CDH18: variants seen among roughly 807,000 people sequenced by gnomAD.
CDH18 encodes cadherin-18.
CDH18 carries 31 observed loss-of-function variants against 67.9 expected under a neutral mutation model. That is an observed-to-expected ratio of 0.46 (90% CI 0.34 to 0.62). CDH18 has a LOEUF of 0.62. CDH18 is among the 20% of genes least tolerant of loss of function. The pLI is 0.01. For missense variants in CDH18, 890 were observed against 975.5 expected, an observed-to-expected ratio of 0.91 and a Z score of 1.17; for synonymous variants, 362 against 347.2, an observed-to-expected ratio of 1.04 and a Z score of -0.48.
intron 2 of CDH18, among the ~76,000 whole-genome samples, chr5:19,978,278 T>C (rs1389087300): frequency 6.6e-6 from 1 of 152,140 alleles, no homozygotes; most frequent in Non-Finnish European, 1.5e-5. Context: ...ACATTTACCT[T>C]CTTTTTGAGG....
At chr5:19,516,285 A>T (rs1209797282) in intron 10 of CDH18, among the ~76,000 whole-genome samples, 1 of 152,154 alleles carries the variant, frequency 6.6e-6, no homozygotes, top group Admixed American at 6.6e-5. Context: ...ATTGATATTC[A>T]TCAGGGATAT....
chr5:19,951,557 CAG>C (rs1234364059), intron 2 of CDH18, among the ~76,000 whole-genome samples: 3 of 152,112 alleles, frequency 2.0e-5, no homozygotes, highest in African/African-American at 7.2e-5. Flanking sequence ...GAAACCTAAA[CAG>C]AGTCAAGTAG....
In CDH18 at chr5:19,994,847, T is replaced by TAGAG. The variant is rs1270960698; in HGVS notation, c.-517-2834_-517-2833insCTCT. Among the ~76,000 whole-genome samples, 118 of 32,168 alleles carry TAGAG rather than the reference T, an allele frequency of 3.7e-3. 7 individuals are homozygous for TAGAG. The highest frequency in any genetic ancestry group is 0.014 in the African/African-American group (97 of 6,702). The allele number at this position is 32,168 out of a possible 152,430, so 21.1% of individuals were successfully genotyped here. A position where few individuals can be genotyped will look rare whatever the true frequency, so the allele number is the denominator to read the frequency against. ...TAAAGAGAATATATATATATATATATATATATATAGAGAGAGAGAGAGAGA... is the reference window on the plus strand; with the variant it reads ...TAAAGAGAATATATATATATATATATAGAGATATATATAGAGAGAGAGAGAGAGA... On this transcript the variant is annotated intron_variant, in intron 2 of 14. Transcript: ENST00000507958.
chr5:20,281,421 C>T (rs1174199897), intron 1 of CDH18, among the ~76,000 whole-genome samples: 1 of 152,136 alleles, frequency 6.6e-6, no homozygotes, highest in Non-Finnish European at 1.5e-5. Context: ...CAGCTTTCTA[C>T]ATATGGCTAG....
chr5:19,829,684 TCATTC>T (rs1780807543), intron 3 of CDH18, among the ~76,000 whole-genome samples: 1 of 152,222 alleles, frequency 6.6e-6, no homozygotes, highest in East Asian at 1.9e-4. Flanking sequence ...ACTGTCAATT[TCATTC>T]TTCACAGAAT....
At chr5:19,583,729 C>T (rs1221073293) in intron 7 of CDH18, among the ~76,000 whole-genome samples, 1 of 152,052 alleles carries the variant, frequency 6.6e-6, no homozygotes, top group African/African-American at 2.4e-5. Context: ...ATTTTCACCT[C>T]GTTTCATGTT....
At chr5:20,418,697 C>T (rs1747558972) in intron 1 of CDH18, among the ~76,000 whole-genome samples, 2 of 151,850 alleles carry the variant, frequency 1.3e-5, no homozygotes, top group African/African-American at 2.4e-5. Flanking sequence ...TGTAAGACAA[C>T]TTAAGTTTAA....
At chr5:20,123,328 G>T (rs1165233349) in intron 2 of CDH18, among the ~76,000 whole-genome samples, 1 of 152,100 alleles carries the variant, frequency 6.6e-6, no homozygotes, top group Non-Finnish European at 1.5e-5. Context: ...ACGCACCCCA[G>T]GAGAACGCTG....
intron 1 of CDH18, among the ~76,000 whole-genome samples, chr5:20,486,991 T>C (rs970244308): frequency 6.6e-6 from 1 of 152,140 alleles, no homozygotes; most frequent in Non-Finnish European, 1.5e-5. Flanking sequence ...AGGGATAGGT[T>C]ACAGCTGACA....
intron 3 of CDH18, among the ~76,000 whole-genome samples, chr5:19,827,118 C>T (rs755567688): frequency 6.6e-5 from 10 of 151,704 alleles, no homozygotes; most frequent in Non-Finnish European, 1.2e-4. Flanking sequence ...AACCAATGAA[C>T]AAAAAAGGCA....
At chr5:20,317,786 G>A (rs75487794) in intron 1 of CDH18, among the ~76,000 whole-genome samples, 10,370 of 152,080 alleles carry the variant, frequency 0.068, 482 homozygotes, top group South Asian at 0.18. Flanking sequence ...GTTGATAAGC[G>A]TTATAGTTAC....
rs576989366 is a variant in CDH18 at position 19,871,482 on chromosome 5, C to T, written c.-256-32240G>A. Among the ~76,000 whole-genome samples, 7 of 152,228 alleles carry T rather than the reference C, an allele frequency of 4.6e-5. No individual in the cohort carries two copies. In the East Asian group the frequency reaches 9.6e-4, roughly 21 times the overall value. ...CAAAGCGAAATGAAATAGCACATAGCGTTTGAATGCAGACTCCAGAGAAAA... is the reference window on the plus strand; with the variant it reads ...CAAAGCGAAATGAAATAGCACATAGTGTTTGAATGCAGACTCCAGAGAAAA... On this transcript the variant is annotated intron_variant, in intron 2 of 12. Coordinates refer to ENST00000382275, the MANE Select transcript of CDH18 (RefSeq NM_004934.5).
intron 1 of CDH18, among the ~76,000 whole-genome samples, chr5:20,367,957 C>G (rs552517180): frequency 6.6e-6 from 1 of 152,144 alleles, no homozygotes; most frequent in Non-Finnish European, 1.5e-5. Flanking sequence ...CTGCCTTACT[C>G]TCAGAGATTC....
At chr5:19,537,445 G>GT (rs1749598774) in intron 9 of CDH18, among the ~76,000 whole-genome samples, 1 of 151,628 alleles carries the variant, frequency 6.6e-6, no homozygotes, top group South Asian at 2.1e-4. Context: ...GTAAGTGTGT[G>GT]TATGTGCACA....
intron 1 of CDH18, among the ~76,000 whole-genome samples, chr5:20,502,187 A>T (rs1458811349): frequency 6.6e-6 from 1 of 152,166 alleles, no homozygotes; most frequent in Non-Finnish European, 1.5e-5. Flanking sequence ...TCTATTTCAC[A>T]TAATTCTTTT....
intron 2 of CDH18, among the ~76,000 whole-genome samples, chr5:19,954,833 T>C (rs1485928734): frequency 2.7e-5 from 4 of 149,558 alleles, no homozygotes; most frequent in Non-Finnish European, 4.4e-5. Flanking sequence ...GCACCTGTTA[T>C]GAAAAATAAC....
chr5:19,939,088 G>A (rs1794573739), intron 2 of CDH18, among the ~76,000 whole-genome samples: 1 of 150,944 alleles, frequency 6.6e-6, no homozygotes, highest in East Asian at 2.0e-4. Context: ...AATATTTAGA[G>A]GATAGAACTA....
At position 20,177,572 on chromosome 5, in the gene CDH18, C is replaced by T. The variant is rs148150475; in HGVS notation, c.-518+77872G>A. 3.6e-4 allele frequency among the ~76,000 whole-genome samples: 54 copies of T among 152,082 alleles called. No individual in the cohort carries two copies. In the East Asian group the frequency reaches 4.1e-3, roughly 11 times the overall value. The stretch of plus-strand genomic sequence containing the variant: ...CAGGGAGTCTGGACATTTCGTCAAA[C>T]ATTATTCTAGGTGTGTCTGTGAGGG... On this transcript the variant is annotated intron_variant, in intron 2 of 14. Transcript: ENST00000507958.
intron 11 of CDH18, among the ~76,000 whole-genome samples, chr5:19,488,927 C>G (rs1233184658): frequency 1.3e-5 from 2 of 152,080 alleles, no homozygotes; most frequent in Non-Finnish European, 2.9e-5. Flanking sequence ...TCTCAGTTTG[C>G]AAACATCCTT....
Sources: allele counts gnomAD v4.1 joint callset (sites outside exome capture counted in the v4.1 genomes callset), GRCh38; gene constraint gnomAD v4.1.1; transcripts MANE v1.5; gene names NCBI Gene and HGNC (gene_info 2026-07-23, HGNC 2026-07-21).